The following VPS37A variants were observed in gnomAD, a reference collection of about 807,000 sequenced individuals.
VPS37A encodes vacuolar protein sorting-associated protein 37A.
In VPS37A, 30 loss-of-function variants were observed where a neutral mutation model predicts 49.8. That is an observed-to-expected ratio of 0.60 (90% CI 0.45 to 0.82). The LOEUF (loss-of-function observed/expected upper bound fraction) is 0.82. Ranked by LOEUF, VPS37A falls within the 40% of genes least tolerant of loss-of-function variation. The pLI, the probability that VPS37A is intolerant of heterozygous loss-of-function variation, is 0.00. For missense variants in VPS37A, 593 were observed against 464.4 expected (o/e 1.28, Z -2.55); for synonymous variants, 195 against 160.6 (o/e 1.21, Z -1.62).
chr8:17,287,492 G>A (rs1004794889), intron 11 of VPS37A, among the ~76,000 whole-genome samples: 4 of 152,058 alleles, frequency 2.6e-5, no homozygotes, highest in Admixed American at 2.6e-4. Context: ...GGCTAACACA[G>A]TGAAACCCCG....
chr8:17,273,545 T>C (rs1188701708), intron 4 of VPS37A, among the ~76,000 whole-genome samples: 2 of 152,170 alleles, frequency 1.3e-5, no homozygotes, highest in African/African-American at 4.8e-5. Context: ...TTTTTGTATT[T>C]TTAGTAGAGA....
At chr8:17,323,183 G>C in the VPS37A span, among the ~76,000 whole-genome samples, 2 of 151,796 alleles carry the variant, frequency 1.3e-5, no homozygotes, top group African/African-American at 4.8e-5. Flanking sequence ...CTGACCTCAG[G>C]TTATCCACCT....
chr8:17,318,831 G>A, the VPS37A span, among the ~76,000 whole-genome samples: 1 of 152,162 alleles, frequency 6.6e-6, no homozygotes, highest in Admixed American at 6.5e-5. Context: ...GCCTCCACAG[G>A]CATCCTCTCC....
At chr8:17,316,275 G>T in the VPS37A span, among the ~76,000 whole-genome samples, 2 of 151,150 alleles carry the variant, frequency 1.3e-5, no homozygotes, top group African/African-American at 4.9e-5. Context: ...TATTTTATAG[G>T]TACTAAAATT....
At position 17,295,536 on chromosome 8, in the gene VPS37A, A is replaced by G. The variant is rs1380318113; in HGVS notation, c.*550A>G. 6.6e-6 allele frequency: 1 copy of G among 152,628 alleles called. No individual in the cohort carries two copies. The highest frequency in any genetic ancestry group is 1.5e-5 in the Non-Finnish European group (1 of 68,022). The allele number at this position is 152,628 out of a possible 1,614,324, so 9.5% of individuals were successfully genotyped here. On this transcript the variant is annotated 3_prime_UTR_variant, in exon 12 of 12. Coordinates refer to ENST00000324849, the MANE Select transcript of VPS37A (RefSeq NM_152415.3). The stretch of plus-strand genomic sequence containing the variant: ...CTCACAAAAGAAACTTTTAATACCT[A>G]CAATAAATCAAAAGAATAAACCAGC...
chr8:17,324,280 T>C, the VPS37A span, among the ~76,000 whole-genome samples: 1 of 152,226 alleles, frequency 6.6e-6, no homozygotes, highest in East Asian at 1.9e-4. Flanking sequence ...GCGTCTGCGA[T>C]AAATGTCCCG....
chr8:17,280,109 T>C lies in VPS37A; in HGVS notation c.795T>C (p.Ile265=). The change falls in exon 7 of 12, where the codon ATT becomes ATC. Residue 265 remains isoleucine (I), a synonymous_variant. Transcript: ENST00000324849. ...TGACTTTGCCTCAACTAAAACAAAT[T>C]ATTACCGACAAAGATGACTTAGTAA... is the stretch of plus-strand genomic sequence containing the variant. ...QFLTLPQLKQ[I]ITDKDDLVKS... 6.2e-7 allele frequency: 1 copy of C among 1,612,782 alleles called. No individual in the cohort carries two copies. The highest frequency in any genetic ancestry group is 8.5e-7 in the Non-Finnish European group (1 of 1,179,314).
At chr8:17,325,790 T>C in the VPS37A span, among the ~76,000 whole-genome samples, 1 of 152,222 alleles carries the variant, frequency 6.6e-6, no homozygotes, top group African/African-American at 2.4e-5. Context: ...TCTTACTTCA[T>C]GTCTTTTGAA....
chr8:17,312,737 A>G, the VPS37A span, among the ~76,000 whole-genome samples: 2 of 152,282 alleles, frequency 1.3e-5, no homozygotes, highest in African/African-American at 4.8e-5. Flanking sequence ...TTACCTCAAA[A>G]CAGGGAACAT....
chr8:17,321,830 A>G, the VPS37A span, among the ~76,000 whole-genome samples: 1 of 152,244 alleles, frequency 6.6e-6, no homozygotes, highest in Non-Finnish European at 1.5e-5. Context: ...AAGGACAACT[A>G]CATGTCACAA....
In VPS37A at chr8:17,268,891, G is replaced by T; in HGVS notation, c.351G>T (p.Gln117His). ...ACTCAGATCTTGGAAAAATTATTCA[G>T]AGTCTGTTGGATGAGTTTTGGAAGA... is the stretch of plus-strand genomic sequence containing the variant. ...TMHSDLGKII[Q>H]SLLDEFWKNP... Residue 117 changes from glutamine to histidine, a missense_variant, in exon 4 of 12, where the codon CAG becomes CAT. By Grantham distance (24) the Gln-to-His change is conservative (BLOSUM62 0). Transcript: ENST00000324849. 1 of 1,610,284 alleles carries T rather than the reference G, an allele frequency of 6.2e-7. No individual in the cohort carries two copies. The highest frequency in any genetic ancestry group is 1.1e-5 in the South Asian group (1 of 90,344).
At chr8:17,263,517 A>G (rs1813156846) in intron 1 of VPS37A, among the ~76,000 whole-genome samples, 1 of 114,346 alleles carries the variant, frequency 8.7e-6, no homozygotes, top group Admixed American at 8.6e-5. Flanking sequence ...TAGTTTGTGA[A>G]GAAAACTCAT....
In VPS37A at chr8:17,268,385, G is replaced by A; in HGVS notation, c.315+13G>A. 1 of 1,543,672 alleles carries A rather than the reference G, an allele frequency of 6.5e-7. No homozygotes were observed. The highest frequency in any genetic ancestry group is 8.9e-7 in the Non-Finnish European group (1 of 1,121,918). ...ATTAGTAAACAATGTATGTATATGG[G>A]ATAATTTATTTCAGGGTAATATAAT... is the stretch of plus-strand genomic sequence containing the variant. On this transcript the variant is annotated intron_variant, in intron 3 of 11. Transcript: ENST00000324849.
At chr8:17,291,116 C>A (rs1474577459) in intron 11 of VPS37A, among the ~76,000 whole-genome samples, 2 of 152,078 alleles carry the variant, frequency 1.3e-5, no homozygotes, top group Non-Finnish European at 2.9e-5. Context: ...CAGGTTTAAG[C>A]AGTTCTCTGC....
chr8:17,307,177 TCAAA>T (rs1817507399), downstream of VPS37A, among the ~76,000 whole-genome samples: 1 of 151,616 alleles, frequency 6.6e-6, no homozygotes, highest in African/African-American at 2.4e-5. Context: ...TAAAATGAAC[TCAAA>T]CAAATTTACA....
downstream of VPS37A, among the ~76,000 whole-genome samples, chr8:17,307,068 ACAG>A (rs1386516624): frequency 6.6e-6 from 1 of 152,232 alleles, no homozygotes; most frequent in African/African-American, 2.4e-5. Context: ...GAGCTTCTGC[ACAG>A]CAGAAGAAAC....
At chr8:17,311,474 G>T in the VPS37A span, 1 of 1,613,366 alleles carries the variant, frequency 6.2e-7, no homozygotes, top group East Asian at 2.2e-5. Flanking sequence ...CCTGGTCAAG[G>T]CACCGCCTGT....
the VPS37A span, among the ~76,000 whole-genome samples, chr8:17,316,896 G>C: frequency 2.3e-4 from 35 of 152,036 alleles, no homozygotes; most frequent in Non-Finnish European, 2.9e-4. Flanking sequence ...AATTCTCCTT[G>C]GATACTGAGG....
chr8:17,331,564 G>A, the VPS37A span, among the ~76,000 whole-genome samples: 2 of 152,158 alleles, frequency 1.3e-5, no homozygotes, highest in African/African-American at 2.4e-5. Flanking sequence ...TGCAGTCCCC[G>A]TCAGAGATGC....
Sources: gnomAD v4.1 joint callset for allele counts (sites outside exome capture counted in the v4.1 genomes callset) on GRCh38, gnomAD v4.1.1 for gene constraint, MANE v1.5 for transcripts, NCBI Gene and HGNC (gene_info 2026-07-23, HGNC 2026-07-21) for gene names.